Variants in KIAA1217 observed in about 807,000 individuals in gnomAD.
The protein encoded by KIAA1217 is sickle tail protein homolog.
KIAA1217 carries 88 observed loss-of-function variants against 163.9 expected under a neutral mutation model. That is an observed-to-expected ratio of 0.54 (90% CI 0.45 to 0.64). The LOEUF is 0.64. Ranked by LOEUF, KIAA1217 falls within the 30% of genes least tolerant of loss-of-function variation. The pLI is 0.00. For missense variants in KIAA1217, 2,372 were observed against 2,475.0 expected (o/e 0.96, Z 0.88); for synonymous variants, 903 against 923.1 (o/e 0.98, Z 0.39).
chr10:24,338,649 A>C (rs2046692597), intron 2 of KIAA1217, among the ~76,000 whole-genome samples: 1 of 152,238 alleles, frequency 6.6e-6, no homozygotes, highest in East Asian at 1.9e-4. Context: ...AACTTGTTTG[A>C]AATAGGTTTT....
intron 3 of KIAA1217, among the ~76,000 whole-genome samples, chr10:24,394,072 G>A (rs1318064401): frequency 1.3e-5 from 2 of 152,292 alleles, no homozygotes; most frequent in South Asian, 2.1e-4. Flanking sequence ...TGGTTTCTTA[G>A]CATTCCAAGG....
chr10:24,533,112 A>G lies in KIAA1217; in HGVS notation c.3289A>G (p.Thr1097Ala). 6.2e-7 allele frequency: 1 copy of G among 1,613,928 alleles called. No individual in the cohort carries two copies. The highest frequency in any genetic ancestry group is 8.5e-7 in the Non-Finnish European group (1 of 1,179,944). ...TGGACCAAGCCCACAGACCAGAGCTACAAAATATCCAGCAGAGGAGCCTGC... is the reference window on the plus strand; with the variant it reads ...TGGACCAAGCCCACAGACCAGAGCTGCAAAATATCCAGCAGAGGAGCCTGC... ...DAGPSPQTRA[T>A]KYPAEEPASA... is the part of the protein sequence containing the mutation. Residue 1097 changes from threonine (T) to alanine (A), a missense_variant, in exon 16 of 21, where the codon ACA becomes GCA. Thr to Ala is a moderately conservative substitution (Grantham distance 58). Coordinates refer to ENST00000376454, the MANE Select transcript of KIAA1217 (RefSeq NM_019590.5).
intron 2 of KIAA1217, chr10:24,367,119 G>T (rs752444625): frequency 5.1e-6 from 5 of 984,572 alleles, no homozygotes; most frequent in South Asian, 4.7e-5. Context: ...TGGTCCACAG[G>T]CTTTGAAGGG....
intron 1 of KIAA1217, among the ~76,000 whole-genome samples, chr10:23,951,544 G>A (rs1271827803): frequency 6.6e-6 from 1 of 152,060 alleles, no homozygotes; most frequent in Admixed American, 6.6e-5. Context: ...TTCCAGCTAT[G>A]TGGGAGGCTG....
intron 1 of KIAA1217, among the ~76,000 whole-genome samples, chr10:23,795,955 G>A (rs530876802): frequency 1.9e-4 from 29 of 152,230 alleles, no homozygotes; most frequent in Non-Finnish European, 3.4e-4. Context: ...TTATCAAATT[G>A]TTCGTTTACT....
At chr10:24,206,320 A>G (rs2067551937), upstream of KIAA1217, among the ~76,000 whole-genome samples, 1 of 152,220 alleles carries the variant, frequency 6.6e-6, no homozygotes, top group Non-Finnish European at 1.5e-5. Context: ...ATTAAACCAG[A>G]AAGAAATACA....
intron 4 of KIAA1217, among the ~76,000 whole-genome samples, chr10:24,433,655 T>TGTAGGCA (rs1298410556): frequency 6.6e-6 from 1 of 152,196 alleles, no homozygotes; most frequent in East Asian, 1.9e-4. Context: ...TCTTAAGAGT[T>TGTAGGCA]GTAGGCAGTA....
rs141110101 is a variant in KIAA1217, at chr10:23,872,315, T to G, written c.-320-134910T>G. On this transcript the variant is annotated intron_variant, in intron 1 of 18. Transcript: ENST00000376462. ...TAGATTTTAAAAGACTTAGGAGAGA[T>G]AGAATGTGAAAGAAGTTTAAACATT... Among the ~76,000 whole-genome samples the G allele has an allele frequency of 2.4e-3, 362 of 152,156 alleles. 1 individual carries two copies. The highest frequency in any genetic ancestry group is 8.4e-3 in the African/African-American group (348 of 41,528).
chr10:24,494,742 C>T (rs991839425), intron 7 of KIAA1217, 138 bp downstream of exon 7: 102 of 688,524 alleles, frequency 1.5e-4, no homozygotes, highest in African/African-American at 1.2e-3. Context: ...GGATCATGGG[C>T]GTTATTTTTT....
intron 1 of KIAA1217, among the ~76,000 whole-genome samples, chr10:23,934,461 A>G (rs1442071857): frequency 6.7e-6 from 1 of 149,534 alleles, no homozygotes; most frequent in Non-Finnish European, 1.5e-5. Context: ...ATACCTATGT[A>G]ACAAATCTGC....
chr10:23,806,314 C>T (rs11013716), intron 1 of KIAA1217, among the ~76,000 whole-genome samples: 32,882 of 151,950 alleles, frequency 0.22, 3,756 homozygotes, highest in Middle Eastern at 0.27. Context: ...TTAAAAGTGA[C>T]GGATTAACAA....
chr10:24,340,913 T>G (rs1253713152), intron 2 of KIAA1217, among the ~76,000 whole-genome samples: 1 of 152,232 alleles, frequency 6.6e-6, no homozygotes, highest in Non-Finnish European at 1.5e-5. Flanking sequence ...GATGGGAATA[T>G]TCTTTGAATG....
intron 3 of KIAA1217, among the ~76,000 whole-genome samples, chr10:24,410,578 G>A (rs1346311733): frequency 1.3e-5 from 2 of 152,138 alleles, no homozygotes; most frequent in African/African-American, 4.8e-5. Flanking sequence ...GCTGAAAGGA[G>A]AACTTTGATT....
intron 6 of KIAA1217, among the ~76,000 whole-genome samples, chr10:24,487,197 G>T (rs1029449766): frequency 1.3e-5 from 2 of 152,150 alleles, no homozygotes; most frequent in Non-Finnish European, 2.9e-5. Context: ...ATAAGAACTT[G>T]TTCTTCCGCA....
chr10:24,456,245 T>G (rs1564711504), intron 5 of KIAA1217, among the ~76,000 whole-genome samples: 2 of 152,226 alleles, frequency 1.3e-5, no homozygotes, highest in African/African-American at 4.8e-5. Context: ...GTTCTTACAT[T>G]GGCTGCATCC....
intron 3 of KIAA1217, among the ~76,000 whole-genome samples, chr10:24,429,806 C>T (rs577474231): frequency 1.1e-4 from 17 of 152,222 alleles, no homozygotes; most frequent in Middle Eastern, 3.4e-3. Context: ...CTGGCTGCTT[C>T]GCTATGGGGT....
At chr10:23,756,824 G>A (rs1035671239) in intron 1 of KIAA1217, among the ~76,000 whole-genome samples, 1 of 152,130 alleles carries the variant, frequency 6.6e-6, no homozygotes, top group African/African-American at 2.4e-5. Context: ...GTGGCATTAA[G>A]TGCATTCATA....
At chr10:23,809,803 A>G (rs952836008) in intron 1 of KIAA1217, among the ~76,000 whole-genome samples, 4 of 152,054 alleles carry the variant, frequency 2.6e-5, no homozygotes, top group African/African-American at 7.2e-5. Flanking sequence ...AACTCTAATT[A>G]CAATATGCTG....
At chr10:24,196,136 A>AACACACAC (rs66954103) in intron 2 of KIAA1217, among the ~76,000 whole-genome samples, 13 of 144,236 alleles carry the variant, frequency 9.0e-5, no homozygotes, top group African/African-American at 3.4e-4. Context: ...CCTGTCTCAA[A>AACACACAC]ACACACACAC....
Sources: allele counts gnomAD v4.1 joint callset (sites outside exome capture counted in the v4.1 genomes callset), GRCh38; gene constraint gnomAD v4.1.1; transcripts MANE v1.5; gene names NCBI Gene and HGNC (gene_info 2026-07-23, HGNC 2026-07-21).